The following TNR variants were observed in gnomAD, a reference collection of about 807,000 sequenced individuals.
The protein encoded by TNR is tenascin R, also known as tenascin-R.
In TNR, 45 loss-of-function variants were observed where a neutral mutation model predicts 150.4. The ratio of observed to expected loss-of-function variants is 0.30; its 90% CI spans 0.24 to 0.38. The LOEUF (loss-of-function observed/expected upper bound fraction) is 0.38. TNR is among the 10% of genes least tolerant of loss of function. The pLI, the probability that TNR is intolerant of heterozygous loss-of-function variation, is 1.00. For synonymous variants in TNR, 687 were observed against 678.4 expected, an observed-to-expected ratio of 1.01 and a Z score of -0.20; for missense variants, 1,544 against 1,759.1, an observed-to-expected ratio of 0.88 and a Z score of 2.19.
chr1:175,564,346 G>A (rs769756578), intron 1 of TNR, among the ~76,000 whole-genome samples: 5 of 152,180 alleles, frequency 3.3e-5, no homozygotes, highest in Non-Finnish European at 7.3e-5. Context: ...TCCCTCATTA[G>A]CATTCAGTTG....
At chr1:175,487,406 C>T (rs572594085) in intron 2 of TNR, among the ~76,000 whole-genome samples, 9 of 152,250 alleles carry the variant, frequency 5.9e-5, no homozygotes, top group South Asian at 4.1e-4. Context: ...TTGGGGACCC[C>T]GGCTCTAAGG....
At chr1:175,628,693 G>C (rs1304820371) in intron 1 of TNR, among the ~76,000 whole-genome samples, 1 of 152,026 alleles carries the variant, frequency 6.6e-6, no homozygotes, top group East Asian at 1.9e-4. Flanking sequence ...AAGGGAAGAG[G>C]AGCAGCAGAG....
chr1:175,560,348 T>A (rs573753263), intron 1 of TNR, among the ~76,000 whole-genome samples: 1 of 152,368 alleles, frequency 6.6e-6, no homozygotes, highest in African/African-American at 2.4e-5. Flanking sequence ...GATGAAGCCC[T>A]GTGATTTATG....
chr1:175,599,334 A>G lies in TNR; in HGVS notation c.-164-70965T>C, dbSNP rs1459112000. On this transcript the variant is annotated intron_variant, in intron 1 of 22. Transcript: ENST00000367674. The surrounding 1 kb of genome is among the most constrained non-coding windows in gnomAD (Gnocchi z 4.7). ...CAGCAACGCTAACGGGGCAGACCGC[A>G]TAGGGGCCCTGAGAGGCACACACGC... Among the ~76,000 whole-genome samples, 6 of 152,154 alleles carry G rather than the reference A, an allele frequency of 3.9e-5. No individual in the cohort carries two copies. The highest frequency in any genetic ancestry group is 6.5e-5 in the Admixed American group (1 of 15,278).
At chr1:175,355,462 C>G in intron 17 of TNR, 41 bp downstream of exon 17, 2 of 1,605,740 alleles carry the variant, frequency 1.2e-6, no homozygotes, top group Non-Finnish European at 1.7e-6. Context: ...CATGGCCTCA[C>G]TTGGAAGAAA....
intron 18 of TNR, 142 bp from the exon 19 acceptor site, chr1:175,337,821 G>T: frequency 1.1e-6 from 1 of 922,798 alleles, no homozygotes; most frequent in Non-Finnish European, 1.6e-6. Context: ...TCAAGGTGTG[G>T]GTGTGGGGAC....
intron 2 of TNR, among the ~76,000 whole-genome samples, chr1:175,408,818 C>A (rs1311046013): frequency 6.6e-6 from 1 of 152,116 alleles, no homozygotes; most frequent in African/African-American, 2.4e-5. Flanking sequence ...CCAGTTCTTC[C>A]CCTAGTCAAG....
At chr1:175,339,116 A>C (rs1650391591) in intron 18 of TNR, among the ~76,000 whole-genome samples, 1 of 152,154 alleles carries the variant, frequency 6.6e-6, no homozygotes, top group Admixed American at 6.5e-5. Flanking sequence ...AGATATACTT[A>C]TTTTACAGAG....
At chr1:175,686,469 C>A (rs1257335249) in intron 1 of TNR, among the ~76,000 whole-genome samples, 1 of 152,172 alleles carries the variant, frequency 6.6e-6, no homozygotes, top group Non-Finnish European at 1.5e-5. Context: ...TTCCCTTTTG[C>A]CTACCATTAG....
chr1:175,388,753 G>C (rs1653044252), intron 7 of TNR, among the ~76,000 whole-genome samples: 1 of 152,188 alleles, frequency 6.6e-6, no homozygotes, highest in Non-Finnish European at 1.5e-5. Context: ...TGACTCTGTA[G>C]ATGATGCCAA....
At chr1:175,530,760 T>A (rs901246093) in intron 1 of TNR, among the ~76,000 whole-genome samples, 1 of 151,984 alleles carries the variant, frequency 6.6e-6, no homozygotes, top group Non-Finnish European at 1.5e-5. Flanking sequence ...CTCTACCTCC[T>A]CTTCTTCCCT....
At chr1:175,448,248 TGCTCTGTCACCCAG>T (rs1656147585) in intron 2 of TNR, among the ~76,000 whole-genome samples, 1 of 152,120 alleles carries the variant, frequency 6.6e-6, no homozygotes, top group South Asian at 2.1e-4. Flanking sequence ...GATGGAGTCT[TGCTCTGTCACCCAG>T]GCTGGAGTGC....
At chr1:175,680,523 A>T (rs116306751) in intron 1 of TNR, among the ~76,000 whole-genome samples, 458 of 152,270 alleles carry the variant, frequency 3.0e-3, no homozygotes, top group African/African-American at 0.011. Flanking sequence ...TGACAGCTGA[A>T]CCCTGTGTGC....
intron 19 of TNR, among the ~76,000 whole-genome samples, chr1:175,336,354 G>A (rs959661769): frequency 6.6e-6 from 1 of 152,170 alleles, no homozygotes; most frequent in Non-Finnish European, 1.5e-5. Context: ...TAAGAAGGAG[G>A]CACACATATG....
At chr1:175,733,837 G>A (rs1239285366) in intron 1 of TNR, among the ~76,000 whole-genome samples, 1 of 152,128 alleles carries the variant, frequency 6.6e-6, no homozygotes, top group African/African-American at 2.4e-5. Context: ...CAGTCTGGAA[G>A]GGCATCCCTA....
At chr1:175,424,664 G>T (rs887168993) in intron 2 of TNR, among the ~76,000 whole-genome samples, 1 of 152,182 alleles carries the variant, frequency 6.6e-6, no homozygotes, top group Non-Finnish European at 1.5e-5. Context: ...TGGGGGAAGA[G>T]AAATGTCAGC....
intron 1 of TNR, among the ~76,000 whole-genome samples, chr1:175,573,633 G>A (rs1407434646): frequency 6.6e-6 from 1 of 152,204 alleles, no homozygotes. Context: ...TGCTAAAGAA[G>A]GCCATAAATT....
intron 1 of TNR, among the ~76,000 whole-genome samples, chr1:175,620,615 A>G (rs1411073945): frequency 6.6e-6 from 1 of 152,200 alleles, no homozygotes; most frequent in Non-Finnish European, 1.5e-5. Context: ...GAGCTAGCCA[A>G]GCCTGTATGA....
chr1:175,612,530 A>C (rs1454756952), intron 1 of TNR, among the ~76,000 whole-genome samples: 1 of 152,208 alleles, frequency 6.6e-6, no homozygotes, highest in Non-Finnish European at 1.5e-5. Flanking sequence ...GGCTGGGCCC[A>C]CAGGCAGTGC....
Sources: allele counts gnomAD v4.1 joint callset (sites outside exome capture counted in the v4.1 genomes callset), GRCh38; gene constraint gnomAD v4.1.1; non-coding constraint Gnocchi (gnomAD v3.1); transcripts MANE v1.5; gene names NCBI Gene and HGNC (gene_info 2026-07-23, HGNC 2026-07-21).